The following IL36B variants were observed in gnomAD, a reference collection of about 807,000 sequenced individuals.
IL36B encodes the protein interleukin-36 beta.
IL36B carries 23 observed loss-of-function variants against 19.3 expected under a neutral mutation model. The observed-to-expected ratio is 1.19, with a 90% confidence interval of 0.86 to 1.69. The LOEUF is 1.69. Ranked by LOEUF, IL36B falls within the 40% of genes most tolerant of loss-of-function variation. The pLI, the probability that IL36B is intolerant of heterozygous loss-of-function variation, is 0.00. For synonymous variants in IL36B, 59 were observed against 59.7 expected, an observed-to-expected ratio of 0.99 and a Z score of 0.05; for missense variants, 217 against 200.5, an observed-to-expected ratio of 1.08 and a Z score of -0.50.
chr2:113,041,007 T>G (rs565904553), intron 1 of IL36B, among the ~76,000 whole-genome samples: 1 of 152,174 alleles, frequency 6.6e-6, no homozygotes, highest in East Asian at 1.9e-4. Flanking sequence ...ACACAAAGAT[T>G]AGTGGGGCAT....
chr2:113,050,793 C>T (rs1685429248), intron 1 of IL36B, among the ~76,000 whole-genome samples: 1 of 152,310 alleles, frequency 6.6e-6, no homozygotes, highest in Non-Finnish European at 1.5e-5. Flanking sequence ...CTGAGAAAGC[C>T]GAGGAGAGCT....
intron 1 of IL36B, among the ~76,000 whole-genome samples, chr2:113,040,345 C>A (rs1342597183): frequency 6.6e-6 from 1 of 152,150 alleles, no homozygotes; most frequent in Non-Finnish European, 1.5e-5. Context: ...AGATTCATAA[C>A]AGGTCAAGAA....
intron 1 of IL36B, among the ~76,000 whole-genome samples, chr2:113,032,590 C>T (rs1199288788): frequency 6.6e-6 from 1 of 152,160 alleles, no homozygotes; most frequent in Non-Finnish European, 1.5e-5. Context: ...CCCAGAGGCA[C>T]TTCGAGGCTA....
chr2:113,029,104 A>C, intron 3 of IL36B, 26 bp from the exon 4 acceptor site: 1 of 1,606,526 alleles, frequency 6.2e-7, no homozygotes, highest in Non-Finnish European at 8.5e-7. Context: ...AAAATGGAGA[A>C]GATGTTTCAG....
At chr2:113,037,491 A>C (rs1196132819) in intron 1 of IL36B, among the ~76,000 whole-genome samples, 4 of 152,158 alleles carry the variant, frequency 2.6e-5, no homozygotes, top group African/African-American at 4.8e-5. Context: ...CTCTATTAAA[A>C]ATACAAAATT....
chr2:113,026,347 T>C (rs1684962063), intron 4 of IL36B: 5 of 1,500,972 alleles, frequency 3.3e-6, no homozygotes, highest in East Asian at 2.4e-5. Flanking sequence ...GCATGTAAGG[T>C]GGGGTTCAGG....
At chr2:113,040,800 T>G (rs548277547) in intron 1 of IL36B, among the ~76,000 whole-genome samples, 1 of 152,348 alleles carries the variant, frequency 6.6e-6, no homozygotes, top group Non-Finnish European at 1.5e-5. Context: ...ATTTTTAAGA[T>G]GTCAGTCTAT....
intron 1 of IL36B, among the ~76,000 whole-genome samples, chr2:113,052,368 T>G (rs1186269502): frequency 6.6e-6 from 1 of 152,200 alleles, no homozygotes; most frequent in East Asian, 1.9e-4. Context: ...ACACAGCTTA[T>G]TTTTCATATT....
At chr2:113,034,366 G>C (rs1685129896) in intron 1 of IL36B, among the ~76,000 whole-genome samples, 1 of 152,142 alleles carries the variant, frequency 6.6e-6, no homozygotes, top group Admixed American at 6.5e-5. Context: ...TCTCAATAAG[G>C]TATTCCCCAG....
chr2:113,024,318 G>A (rs1490819416), intron 5 of IL36B, among the ~76,000 whole-genome samples: 1 of 152,180 alleles, frequency 6.6e-6, no homozygotes, highest in African/African-American at 2.4e-5. Context: ...TCAGAGACTG[G>A]AACAGGGGGA....
At chr2:113,027,940 G>C in intron 4 of IL36B, 1 of 1,614,148 alleles carries the variant, frequency 6.2e-7, no homozygotes, top group South Asian at 1.1e-5. Context: ...AGTGTTATTA[G>C]TTATGCCTCT....
intron 5 of IL36B, among the ~76,000 whole-genome samples, chr2:113,025,700 T>TA (rs1684945960): frequency 6.6e-6 from 1 of 152,108 alleles, no homozygotes; most frequent in Non-Finnish European, 1.5e-5. Flanking sequence ...GGAAGGGATT[T>TA]AGGATGTTAG....
At chr2:113,030,970 G>T in intron 3 of IL36B, 78 bp downstream of exon 3, 1 of 1,074,912 alleles carries the variant, frequency 9.3e-7, no homozygotes, top group Non-Finnish European at 1.4e-6. Context: ...CCAGGGCCAG[G>T]CTTATGCAAG....
intron 4 of IL36B, among the ~76,000 whole-genome samples, 153 bp downstream of exon 4, chr2:113,028,786 C>A (rs1252002053): frequency 6.6e-6 from 1 of 152,198 alleles, no homozygotes; most frequent in Non-Finnish European, 1.5e-5. Context: ...CCAAAGGCAG[C>A]ATTTATAGAT....
chr2:113,048,627 T>A (rs992206270), intron 1 of IL36B, among the ~76,000 whole-genome samples: 3 of 151,908 alleles, frequency 2.0e-5, no homozygotes, highest in Non-Finnish European at 2.9e-5. Flanking sequence ...GGGAAAGAAA[T>A]TTATAAGATC....
At chr2:113,038,017 A>T (rs1685191713) in intron 1 of IL36B, among the ~76,000 whole-genome samples, 1 of 152,220 alleles carries the variant, frequency 6.6e-6, no homozygotes. Flanking sequence ...TTTGACGAGC[A>T]TTTGACGCTG....
At chr2:113,028,633 T>C (rs1573366194) in intron 4 of IL36B, among the ~76,000 whole-genome samples, 1 of 152,336 alleles carries the variant, frequency 6.6e-6, no homozygotes. Context: ...CCCGTTGTCT[T>C]AGAGGATTTC....
rs75378619 is a variant in IL36B, at chr2:113,034,095, T to C, written c.-57-2329A>G. 8.3e-4 allele frequency among the ~76,000 whole-genome samples: 127 copies of C among 152,302 alleles called. 1 individual carries two copies. In the East Asian group the frequency reaches 0.02, roughly 24 times the overall value. On this transcript the variant is annotated intron_variant, in intron 1 of 5. Transcript: ENST00000259213. ...GACTCTCTTGCACAGAACCCTCTAA[T>C]AGCTTTGCTTTATGCCCCAAATAAC...
chr2:113,034,627 G>T (rs1397323750), intron 1 of IL36B, among the ~76,000 whole-genome samples: 1 of 152,156 alleles, frequency 6.6e-6, no homozygotes, highest in Admixed American at 6.5e-5. Flanking sequence ...AATATTTTTT[G>T]ATAAACAAAT....
Sources: allele counts gnomAD v4.1 joint callset (sites outside exome capture counted in the v4.1 genomes callset), GRCh38; gene constraint gnomAD v4.1.1; transcripts MANE v1.5; gene names NCBI Gene and HGNC (gene_info 2026-07-23, HGNC 2026-07-21).